Variants in ZNF385B observed in about 807,000 individuals in gnomAD.
ZNF385B encodes the protein zinc finger protein 533.
ZNF385B carries 23 observed loss-of-function variants against 39.2 expected under a neutral mutation model. That is an observed-to-expected ratio of 0.59 (90% CI 0.42 to 0.83). The LOEUF (loss-of-function observed/expected upper bound fraction) is 0.83, where lower values mean the gene tolerates loss of function less well. ZNF385B is among the 40% of genes least tolerant of loss of function. ZNF385B has a pLI of 0.00. For synonymous variants in ZNF385B, 205 were observed against 222.6 expected (o/e 0.92, Z 0.70); for missense variants, 552 against 598.9 (o/e 0.92, Z 0.82).
chr2:179,573,589 T>A (rs550569661), intron 3 of ZNF385B, among the ~76,000 whole-genome samples: 11 of 152,238 alleles, frequency 7.2e-5, no homozygotes, highest in Non-Finnish European at 1.5e-4. Context: ...TAGGTCTTTT[T>A]AAAAATAAAA....
chr2:179,577,685 AG>A (rs1442096715), intron 3 of ZNF385B, among the ~76,000 whole-genome samples: 1 of 152,026 alleles, frequency 6.6e-6, no homozygotes, highest in Non-Finnish European at 1.5e-5. Context: ...TTTTTACAAA[AG>A]TTTGGATAAT....
intron 1 of ZNF385B, among the ~76,000 whole-genome samples, chr2:179,811,474 T>C (rs1402602860): frequency 1.3e-5 from 2 of 152,036 alleles, no homozygotes; most frequent in Admixed American, 6.5e-5. Flanking sequence ...TGTAACTGAA[T>C]AGAGAACCCA....
chr2:179,655,154 T>A (rs1389189280), intron 3 of ZNF385B, among the ~76,000 whole-genome samples: 1 of 152,172 alleles, frequency 6.6e-6, no homozygotes, highest in East Asian at 1.9e-4. Flanking sequence ...ATAAATGTGT[T>A]GCCTACATAC....
At chr2:179,596,730 T>G (rs1688030010) in intron 3 of ZNF385B, among the ~76,000 whole-genome samples, 1 of 152,246 alleles carries the variant, frequency 6.6e-6, no homozygotes, top group Non-Finnish European at 1.5e-5. Context: ...AAGCAATCTC[T>G]TACTTTTACC....
At chr2:179,631,048 T>C (rs1691159218) in intron 3 of ZNF385B, among the ~76,000 whole-genome samples, 1 of 152,210 alleles carries the variant, frequency 6.6e-6, no homozygotes. Context: ...GTTTGATTGG[T>C]GTACCTAAAA....
chr2:179,707,243 T>C (rs1357258256), intron 3 of ZNF385B, among the ~76,000 whole-genome samples: 1 of 152,182 alleles, frequency 6.6e-6, no homozygotes, highest in Admixed American at 6.5e-5. Context: ...AGAGAGTCTA[T>C]TGTGGTGGCT....
intron 3 of ZNF385B, among the ~76,000 whole-genome samples, chr2:179,590,575 C>T (rs1687470922): frequency 6.6e-6 from 1 of 152,022 alleles, no homozygotes; most frequent in South Asian, 2.1e-4. Flanking sequence ...TTTCAGCTTC[C>T]CCTTGAGATA....
chr2:179,543,173 G>A (rs1398610115), intron 4 of ZNF385B, among the ~76,000 whole-genome samples: 2 of 152,258 alleles, frequency 1.3e-5, no homozygotes, highest in South Asian at 2.1e-4. Flanking sequence ...TCAGGAGGCT[G>A]AGACACAAGA....
intron 3 of ZNF385B, among the ~76,000 whole-genome samples, chr2:179,593,545 C>A (rs1687749434): frequency 6.6e-6 from 1 of 152,060 alleles, no homozygotes; most frequent in African/African-American, 2.4e-5. Flanking sequence ...ATGCGTAGAA[C>A]AATTACTTAA....
At chr2:179,512,412 T>C (rs1037364641) in intron 5 of ZNF385B, among the ~76,000 whole-genome samples, 7 of 152,172 alleles carry the variant, frequency 4.6e-5, no homozygotes, top group South Asian at 2.1e-4. Context: ...CTCCAAGGAA[T>C]TGAAATGAAT....
chr2:179,444,355 CAA>C (rs2049256117), intron 9 of ZNF385B, among the ~76,000 whole-genome samples: 1 of 152,108 alleles, frequency 6.6e-6, no homozygotes, highest in South Asian at 2.1e-4. Flanking sequence ...GGTGTTTTTG[CAA>C]AGACACTGAA....
chr2:179,746,218 G>A (rs1371117050), intron 3 of ZNF385B, among the ~76,000 whole-genome samples: 1 of 152,118 alleles, frequency 6.6e-6, no homozygotes, highest in African/African-American at 2.4e-5. Context: ...ATCATCTATT[G>A]AAATTGTGTA....
At chr2:179,836,592 C>A (rs967036476) in intron 1 of ZNF385B, among the ~76,000 whole-genome samples, 2 of 141,246 alleles carry the variant, frequency 1.4e-5, no homozygotes, top group African/African-American at 5.4e-5. Flanking sequence ...AATCTCGGCT[C>A]ACTGCAAGCT....
intron 3 of ZNF385B, among the ~76,000 whole-genome samples, chr2:179,588,092 AT>A (rs1006232763): frequency 8.6e-5 from 13 of 151,312 alleles, no homozygotes; most frequent in South Asian, 4.2e-4. Flanking sequence ...TCTCTCTTTT[AT>A]TTTTTTTCCC....
intron 1 of ZNF385B, among the ~76,000 whole-genome samples, chr2:179,792,375 C>CTTTTTTT (rs374147864): frequency 1.3e-4 from 16 of 124,124 alleles, no homozygotes; most frequent in East Asian, 4.5e-4. Context: ...ATTTTCTTTT[C>CTTTTTTT]TTTTTTTTTT....
At position 179,648,865 on chromosome 2, in the gene ZNF385B, G is replaced by C. The variant is rs184540996; in HGVS notation, c.299-103896C>G. Among the ~76,000 whole-genome samples the C allele has an allele frequency of 7.9e-5, 12 of 152,284 alleles. No homozygotes were observed. The East Asian group carries it at 2.3e-3, about 29-fold the overall frequency. On this transcript the variant is annotated intron_variant, in intron 3 of 9. Transcript: ENST00000410066. Reference sequence around the variant, plus strand: ...CAGGAAGCCATCATCCATATGGATAGAAATAAATGAGTAAATGGAAAGTTT... The same window carrying C: ...CAGGAAGCCATCATCCATATGGATACAAATAAATGAGTAAATGGAAAGTTT...
chr2:179,853,057 A>C (rs1310876386), intron 1 of ZNF385B, among the ~76,000 whole-genome samples: 5 of 152,208 alleles, frequency 3.3e-5, no homozygotes, highest in Admixed American at 6.5e-5. Context: ...GTATATATGG[A>C]CTTAAGCTCT....
chr2:179,829,675 G>C (rs1199608078), intron 1 of ZNF385B, among the ~76,000 whole-genome samples: 1 of 152,024 alleles, frequency 6.6e-6, no homozygotes, highest in Non-Finnish European at 1.5e-5. Context: ...CACCATGCCC[G>C]GCCAATTTTT....
chr2:179,576,209 T>C (rs1685793488), intron 3 of ZNF385B: 22 of 983,466 alleles, frequency 2.2e-5, no homozygotes, highest in South Asian at 4.7e-5. Flanking sequence ...ACTGGACTCC[T>C]TCACTCCAGT....
Sources: allele counts gnomAD v4.1 joint callset (sites outside exome capture counted in the v4.1 genomes callset), GRCh38; gene constraint gnomAD v4.1.1; transcripts MANE v1.5; gene names NCBI Gene and HGNC (gene_info 2026-07-23, HGNC 2026-07-21).